SORCS2: variants seen among roughly 807,000 people sequenced by gnomAD.
SORCS2 encodes VPS10 domain-containing receptor SorCS2.
SORCS2 carries 100 observed loss-of-function variants against 141.6 expected under a neutral mutation model. The observed-to-expected ratio is 0.71, with a 90% CI of 0.60 to 0.83. SORCS2 has a LOEUF of 0.83. Among genes scored for constraint, SORCS2 ranks in the 40% least tolerant of loss-of-function variants. The pLI is 0.00. For synonymous variants in SORCS2, 789 were observed against 676.9 expected (o/e 1.17, Z -2.57); for missense variants, 1,646 against 1,560.2 (o/e 1.05, Z -0.93).
intron 11 of SORCS2, among the ~76,000 whole-genome samples, chr4:7,694,960 C>G (rs1377167434): frequency 6.6e-6 from 1 of 151,938 alleles, no homozygotes; most frequent in Non-Finnish European, 1.5e-5. Context: ...TGAGGCTCTC[C>G]TCACAGGTCC....
Position 7,740,105 on chromosome 4 carries a change from C to T in SORCS2, c.3416-95C>T, listed in dbSNP as rs112070519. 604 of 1,078,708 alleles carry T rather than the reference C, an allele frequency of 5.6e-4. No homozygotes were observed. The African/African-American group carries it at 7.8e-3, about 14-fold the overall frequency. The allele number at this position is 1,078,708 out of a possible 1,614,324, so 66.8% of individuals were successfully genotyped here. A position where few individuals can be genotyped will look rare whatever the true frequency, so the allele number is the denominator to read the frequency against. On this transcript the variant is annotated intron_variant, in intron 26 of 26. Transcript: ENST00000507866. The stretch of plus-strand genomic sequence containing the variant: ...CAGGGAGGCCCACTGCACGTTGGCT[C>T]GAGGCACTGCCTGAGGCCACGACCG...
At chr4:7,381,453 G>C (rs948754190) in intron 1 of SORCS2, among the ~76,000 whole-genome samples, 1 of 152,192 alleles carries the variant, frequency 6.6e-6, no homozygotes, top group Non-Finnish European at 1.5e-5. Flanking sequence ...GCTGCCCTGT[G>C]GGGGCTGCCC....
intron 1 of SORCS2, among the ~76,000 whole-genome samples, chr4:7,205,872 C>T (rs1306952698): frequency 1.3e-5 from 2 of 152,066 alleles, no homozygotes; most frequent in Admixed American, 1.3e-4. Context: ...GGTGAAACCC[C>T]GTCTCTACTA....
chr4:7,480,256 G>A (rs1730550299), intron 2 of SORCS2, among the ~76,000 whole-genome samples: 1 of 152,240 alleles, frequency 6.6e-6, no homozygotes, highest in African/African-American at 2.4e-5. Context: ...GGGCTTTGGA[G>A]TGACTGCAGC....
intron 17 of SORCS2, among the ~76,000 whole-genome samples, chr4:7,717,569 T>C (rs894001895): frequency 3.9e-5 from 6 of 152,256 alleles, no homozygotes; most frequent in African/African-American, 1.2e-4. Context: ...GGGGTGTGTG[T>C]GCCCATGGTT....
chr4:7,631,960 G>A (rs1194803708), intron 3 of SORCS2, among the ~76,000 whole-genome samples: 2 of 152,206 alleles, frequency 1.3e-5, no homozygotes, highest in Non-Finnish European at 2.9e-5. Context: ...CAGGTGCAAG[G>A]ATACCATTGG....
At chr4:7,395,612 A>T (rs1257173686) in intron 1 of SORCS2, among the ~76,000 whole-genome samples, 3 of 152,070 alleles carry the variant, frequency 2.0e-5, no homozygotes, top group Non-Finnish European at 4.4e-5. Context: ...ATTTTTATAA[A>T]TAGTTGCATT....
At chr4:7,349,187 G>T (rs771458438) in intron 1 of SORCS2, among the ~76,000 whole-genome samples, 1 of 152,186 alleles carries the variant, frequency 6.6e-6, no homozygotes, top group Non-Finnish European at 1.5e-5. Flanking sequence ...CTGGGGACCA[G>T]GGGCAGCATG....
intron 11 of SORCS2, among the ~76,000 whole-genome samples, chr4:7,693,963 C>A (rs1302608453): frequency 6.6e-6 from 1 of 152,162 alleles, no homozygotes; most frequent in African/African-American, 2.4e-5. Context: ...GGAGCACCGG[C>A]GGAACCTGGA....
chr4:7,713,917 C>T (rs902073437), intron 15 of SORCS2, among the ~76,000 whole-genome samples: 10 of 152,326 alleles, frequency 6.6e-5, no homozygotes, highest in African/African-American at 2.2e-4. Flanking sequence ...CCCTCGAGGG[C>T]GTGGCTCAGC....
intron 2 of SORCS2, 23 bp from the exon 3 acceptor site, chr4:7,531,507 C>A (rs10007474): frequency 1.4e-5 from 22 of 1,607,884 alleles, no homozygotes; most frequent in Non-Finnish European, 1.9e-5. Flanking sequence ...ACATGGCTGA[C>A]GGCTGTCCCC....
At chr4:7,681,566 A>C (rs1189976322) in intron 9 of SORCS2, among the ~76,000 whole-genome samples, 1 of 152,208 alleles carries the variant, frequency 6.6e-6, no homozygotes. Context: ...GCCGCATGCC[A>C]GGCTTCTGCC....
chr4:7,317,225 C>A (rs3857194), intron 1 of SORCS2, among the ~76,000 whole-genome samples: 89,333 of 151,958 alleles, frequency 0.59, 26,338 homozygotes, highest in South Asian at 0.72. Context: ...CTATAGTGAT[C>A]ATACAGAGTG....
chr4:7,239,604 A>G (rs11934768), intron 1 of SORCS2, among the ~76,000 whole-genome samples: 14,749 of 152,188 alleles, frequency 0.097, 1,036 homozygotes, highest in African/African-American at 0.2. Context: ...TTTGTTTGCT[A>G]AAACAGCCCC....
chr4:7,275,590 G>C (rs558394123), intron 1 of SORCS2, among the ~76,000 whole-genome samples: 1 of 152,252 alleles, frequency 6.6e-6, no homozygotes, highest in South Asian at 2.1e-4. Flanking sequence ...TTAGAATTTG[G>C]AGGCCAGACT....
rs1721213791 is a variant in SORCS2, at chr4:7,648,307, C to T, written c.814-5827C>T. 6.6e-6 allele frequency among the ~76,000 whole-genome samples: 1 copy of T among 151,940 alleles called. No homozygotes were observed. The highest frequency in any genetic ancestry group is 1.5e-5 in the Non-Finnish European group (1 of 67,980). ...TGGGGGTGGTGCAGGGAGGAAGTGA[C>T]CGTGGAGAGGGTGTCAAGGAGTCAG... On this transcript the variant is annotated intron_variant, in intron 4 of 26. Transcript: ENST00000507866. The surrounding 1 kb of genome is among the most constrained non-coding windows in gnomAD (Gnocchi z 4.2).
intron 14 of SORCS2, among the ~76,000 whole-genome samples, chr4:7,706,271 CCTGGGCAGGGATGAGGCTGGGCTCCGT>C (rs1560498794): frequency 2.2e-4 from 20 of 92,782 alleles, no homozygotes; most frequent in African/African-American, 2.8e-4. Context: ...CTGGGCTCCG[CCTGGGCAGGGATGAGGCTGGGCTCCGT>C]CTGGGCAGGG....
intron 2 of SORCS2, 30 bp downstream of exon 2, chr4:7,396,385 T>C: frequency 6.2e-7 from 1 of 1,610,170 alleles, no homozygotes; most frequent in Non-Finnish European, 8.5e-7. Flanking sequence ...GGCCTTTCTC[T>C]TATGCACCTG....
intron 1 of SORCS2, among the ~76,000 whole-genome samples, chr4:7,284,859 T>A (rs181919693): frequency 2.7e-4 from 41 of 152,196 alleles, no homozygotes; most frequent in African/African-American, 9.9e-4. Context: ...GGGAAGATCC[T>A]TCCGGCCTCT....
Sources: gnomAD v4.1 joint callset for allele counts (sites outside exome capture counted in the v4.1 genomes callset) on GRCh38, gnomAD v4.1.1 for gene constraint, Gnocchi (gnomAD v3.1) non-coding constraint, MANE v1.5 for transcripts, NCBI Gene and HGNC (gene_info 2026-07-23, HGNC 2026-07-21) for gene names.